The following CFAP70 variants were observed in gnomAD, a reference collection of about 807,000 sequenced individuals.
CFAP70 encodes cilia- and flagella-associated protein 70.
Under a neutral mutation model 137.6 loss-of-function variants are expected in CFAP70, and 81 were observed. The observed-to-expected ratio is 0.59, with a 90% CI of 0.49 to 0.71. CFAP70 has a LOEUF of 0.71. Among genes scored for constraint, CFAP70 ranks in the 30% least tolerant of loss-of-function variants. The pLI is 0.00. For missense variants in CFAP70, 976 were observed against 1,226.7 expected (o/e 0.80, Z 3.05); for synonymous variants, 382 against 423.6 (o/e 0.90, Z 1.20).
chr10:73,343,428 G>A (rs2053447771), intron 5 of CFAP70, among the ~76,000 whole-genome samples: 1 of 151,920 alleles, frequency 6.6e-6, no homozygotes, highest in Admixed American at 6.6e-5. Context: ...AGGACCTGGG[G>A]CTGGGTGTGG....
intron 11 of CFAP70, among the ~76,000 whole-genome samples, chr10:73,311,260 C>A (rs748478979): frequency 4.7e-5 from 7 of 148,870 alleles, no homozygotes; most frequent in Non-Finnish European, 1.0e-4. Context: ...CTTGCAAATT[C>A]TCTGTTATTC....
intron 8 of CFAP70, among the ~76,000 whole-genome samples, chr10:73,328,470 A>G (rs2051705878): frequency 6.7e-6 from 1 of 149,742 alleles, no homozygotes; most frequent in African/African-American, 2.5e-5. Context: ...AATGGCAACA[A>G]AAGCCAAAAT....
chr10:73,291,220 C>A lies in CFAP70; in HGVS notation c.2239+6G>T, dbSNP rs755075628. On this transcript the variant is annotated splice_donor_region_variant and intron_variant, in intron 19 of 26. Coordinates refer to ENST00000310715, the Ensembl canonical transcript of CFAP70. ...GCCACTCTTCACCTCTATTCCCTGG[C>A]TCTACCTGCTGGGGCTTCCACCTTG... 1 of 1,613,852 alleles carries A rather than the reference C, an allele frequency of 6.2e-7. No homozygotes were observed. The highest frequency in any genetic ancestry group is 1.1e-5 in the South Asian group (1 of 91,070).
chr10:73,258,637 C>A (rs2044773670), intron 25 of CFAP70, among the ~76,000 whole-genome samples: 1 of 152,220 alleles, frequency 6.6e-6, no homozygotes, highest in Non-Finnish European at 1.5e-5. Context: ...AGAACAGAGT[C>A]ACATTTCTCT....
In CFAP70 at chr10:73,275,497, GTTC is replaced by G. The variant is rs781744479; in HGVS notation, c.2619_2621del (p.Lys873del). On this transcript the variant is annotated inframe_deletion, in exon 22 of 27. Coordinates refer to ENST00000310715, the Ensembl canonical transcript of CFAP70. This position sits in a 1 kb window ranked among gnomAD's most constrained non-coding sequence, Gnocchi z 4.0. ...GAAGGTATTCCTCTGCCTTGGCAAA[GTTC>G]TTCTTAAGAATGTGTGTTTGGGCCA... is the stretch of plus-strand genomic sequence containing the variant. 3.7e-6 allele frequency: 6 copies of G among 1,611,820 alleles called. No homozygotes were observed. The highest frequency in any genetic ancestry group is 1.3e-5 in the African/African-American group (1 of 74,858).
rs2049996735 is a variant in CFAP70, at chr10:73,312,459, T to G, written c.1083+14A>C. 6 of 1,565,130 alleles carry G rather than the reference T, an allele frequency of 3.8e-6. No homozygotes were observed. Among genetic ancestry groups the G allele is most frequent in the Non-Finnish European group, 5.2e-6 (6 of 1,159,096 alleles). ...AATCTAAGAGGCAAAATCATCACCT[T>G]CTCAACAACCTACCACATCCCCAGG... is the stretch of plus-strand genomic sequence containing the variant. On this transcript the variant is annotated intron_variant, in intron 10 of 26. Coordinates refer to ENST00000310715, the Ensembl canonical transcript of CFAP70.
intron 25 of CFAP70, among the ~76,000 whole-genome samples, chr10:73,263,987 T>C (rs1378024710): frequency 6.6e-6 from 1 of 152,248 alleles, no homozygotes; most frequent in Non-Finnish European, 1.5e-5. Flanking sequence ...CATAGATTCT[T>C]ATTTGTAATC....
intron 7 of CFAP70, among the ~76,000 whole-genome samples, chr10:73,331,579 G>A (rs2052091496): frequency 6.6e-6 from 1 of 152,156 alleles, no homozygotes; most frequent in Non-Finnish European, 1.5e-5. Flanking sequence ...TATTTGAGGA[G>A]GCTGAGGTGG....
chr10:73,323,210 G>T, intron 8 of CFAP70, 113 bp from the exon 10 acceptor site: 2 of 1,003,640 alleles, frequency 2.0e-6, no homozygotes, highest in Non-Finnish European at 2.7e-6. Flanking sequence ...CAACTACTTA[G>T]CCAGTTATGT....
chr10:73,351,116 T>C (rs1417467724), intron 3 of CFAP70, among the ~76,000 whole-genome samples: 5 of 127,870 alleles, frequency 3.9e-5, no homozygotes, highest in African/African-American at 1.2e-4. Context: ...TATATATGTA[T>C]GTTTTGTTTT....
intron 9 of CFAP70, among the ~76,000 whole-genome samples, chr10:73,316,432 T>C (rs1229167861): frequency 6.9e-6 from 1 of 145,792 alleles, no homozygotes; most frequent in African/African-American, 2.5e-5. Flanking sequence ...TAAATAAATA[T>C]TTGTGATATC....
chr10:73,360,379 CACAT>C (rs997615293), upstream of CFAP70, among the ~76,000 whole-genome samples: 31 of 152,290 alleles, frequency 2.0e-4, no homozygotes, highest in African/African-American at 7.2e-4. Flanking sequence ...CACACCTGCA[CACAT>C]ACACACACAG....
chr10:73,297,926 C>A (rs1489897221), intron 14 of CFAP70, among the ~76,000 whole-genome samples: 1 of 152,170 alleles, frequency 6.6e-6, no homozygotes, highest in Non-Finnish European at 1.5e-5. Flanking sequence ...AAATGTGGAA[C>A]CAAGAGTCAA....
chr10:73,307,317 A>G (rs2049465115), intron 12 of CFAP70, among the ~76,000 whole-genome samples: 1 of 152,252 alleles, frequency 6.6e-6, no homozygotes, highest in South Asian at 2.1e-4. Flanking sequence ...AAAATAAGAC[A>G]TGAAGACAAC....
At position 73,284,737 on chromosome 10, in the gene CFAP70, CACATATATATATAT is replaced by C. The variant is rs1564783403; in HGVS notation, c.2240-6414_2240-6401del. 3.5e-4 allele frequency among the ~76,000 whole-genome samples: 21 copies of C among 60,090 alleles called. 1 individual carries two copies. The highest frequency in any genetic ancestry group is 7.8e-4 in the African/African-American group (11 of 14,134). 39.4% of individuals were successfully genotyped at this position (60,090 alleles called of 152,430 possible). ...AGCCTATGGGCCATATATGACCTGC[CACATATATATATAT>C]ATATATATATATATATATATATATA... On this transcript the variant is annotated intron_variant, in intron 19 of 26. Transcript: ENST00000310715.
At chr10:73,289,768 G>T (rs1456369354) in intron 19 of CFAP70, among the ~76,000 whole-genome samples, 1 of 152,058 alleles carries the variant, frequency 6.6e-6, no homozygotes, top group Admixed American at 6.6e-5. Flanking sequence ...ACAAGAGGCT[G>T]GTCGTGGTGG....
intron 4 of CFAP70, chr10:73,345,169 G>A (rs754727057): frequency 1.4e-4 from 225 of 1,614,076 alleles, no homozygotes; most frequent in Non-Finnish European, 1.7e-4. Flanking sequence ...GTGACCTTCA[G>A]TAGATTGCCC....
intron 5 of CFAP70, among the ~76,000 whole-genome samples, chr10:73,344,628 C>G (rs1048005986): frequency 6.6e-6 from 1 of 152,132 alleles, no homozygotes; most frequent in African/African-American, 2.4e-5. Flanking sequence ...AGCCTTTTAG[C>G]AAGCAAGTTA....
At chr10:73,316,165 T>C (rs1240690857) in intron 9 of CFAP70, among the ~76,000 whole-genome samples, 1 of 152,136 alleles carries the variant, frequency 6.6e-6, no homozygotes, top group African/African-American at 2.4e-5. Context: ...TCTGTTTCCA[T>C]AGTATATCTT....
Sources: allele counts gnomAD v4.1 joint callset (sites outside exome capture counted in the v4.1 genomes callset), GRCh38; gene constraint gnomAD v4.1.1; non-coding constraint Gnocchi (gnomAD v3.1); transcripts MANE v1.5; gene names NCBI Gene and HGNC (gene_info 2026-07-23, HGNC 2026-07-21).